The following RBM19 variants were observed in gnomAD, a reference collection of about 807,000 sequenced individuals.
RBM19 encodes the protein RNA binding motif protein 19, also known as probable RNA-binding protein 19.
A neutral mutation model predicts 116.8 loss-of-function variants in RBM19; 94 were observed. The ratio of observed to expected loss-of-function variants is 0.80; its 90% CI spans 0.68 to 0.95. RBM19 has a LOEUF of 0.95. Among genes scored for constraint, RBM19 ranks in the 40% least tolerant of loss-of-function variants. The probability of loss-of-function intolerance (pLI) is 0.00; values close to 1 mark genes in which losing one functional copy is unlikely to be tolerated. For missense variants in RBM19, 1,161 were observed against 1,220.7 expected, an observed-to-expected ratio of 0.95 and a Z score of 0.73; for synonymous variants, 475 against 494.1, an observed-to-expected ratio of 0.96 and a Z score of 0.51.
chr12:113,961,651 T>C (rs1296763882), intron 2 of RBM19, among the ~76,000 whole-genome samples: 2 of 152,228 alleles, frequency 1.3e-5, no homozygotes, highest in Non-Finnish European at 2.9e-5. Context: ...AGTCACTAAA[T>C]ACACGAGTGA....
At chr12:113,818,676 G>A (rs1260036886), downstream of RBM19, among the ~76,000 whole-genome samples, 2 of 152,234 alleles carry the variant, frequency 1.3e-5, no homozygotes, top group African/African-American at 4.8e-5. Context: ...AATGAGGCAG[G>A]AATTCCTGCA....
At chr12:113,924,599 G>A in intron 18 of RBM19, 98 bp downstream of exon 18, 2 of 1,084,146 alleles carry the variant, frequency 1.8e-6, no homozygotes, top group Non-Finnish European at 2.9e-6. Flanking sequence ...ATGTGCAAGG[G>A]AGAACTACCC....
At chr12:113,864,849 G>T (rs542746410) in intron 21 of RBM19, among the ~76,000 whole-genome samples, 1 of 152,196 alleles carries the variant, frequency 6.6e-6, no homozygotes, top group South Asian at 2.1e-4. Context: ...GTTTCAATGG[G>T]TACTAGTGCC....
At chr12:113,924,894 G>T (rs10774723) in intron 17 of RBM19, 137 bp from the exon 18 acceptor site, 208,329 of 711,700 alleles carry the variant, frequency 0.29, 32,268 homozygotes, top group Middle Eastern at 0.39. Context: ...GATGAGTGAT[G>T]ACCTCCTTTA....
At chr12:113,837,427 C>T (rs1273842430) in intron 23 of RBM19, among the ~76,000 whole-genome samples, 1 of 152,180 alleles carries the variant, frequency 6.6e-6, no homozygotes, top group Non-Finnish European at 1.5e-5. Context: ...GAGTGAGTGC[C>T]CCGAAGGACC....
intron 7 of RBM19, among the ~76,000 whole-genome samples, chr12:113,953,474 G>A (rs895880942): frequency 6.6e-6 from 1 of 152,174 alleles, no homozygotes; most frequent in Non-Finnish European, 1.5e-5. Context: ...GGAGATAAGA[G>A]CGAAACTCTG....
At chr12:113,874,612 T>C (rs11066798) in intron 21 of RBM19, among the ~76,000 whole-genome samples, 24,851 of 152,254 alleles carry the variant, frequency 0.16, 2,420 homozygotes, top group East Asian at 0.36. Context: ...GCTTCAGCCC[T>C]TGAACTCAGT....
chr12:113,824,111 C>T (rs1053539342), intron 23 of RBM19, among the ~76,000 whole-genome samples: 18 of 152,130 alleles, frequency 1.2e-4, no homozygotes, highest in African/African-American at 4.1e-4. Flanking sequence ...GGGCTTAGCC[C>T]CACAAGCACC....
At chr12:113,833,691 G>T (rs146459068) in intron 23 of RBM19, among the ~76,000 whole-genome samples, 177 of 152,278 alleles carry the variant, frequency 1.2e-3, no homozygotes, top group African/African-American at 4.0e-3. Flanking sequence ...ATTTGGAATC[G>T]CTCCTTCCCC....
At chr12:113,952,424 C>T (rs1295040478) in intron 8 of RBM19, 88 bp downstream of exon 8, 9 of 1,225,080 alleles carry the variant, frequency 7.3e-6, no homozygotes. Context: ...AAACGGGTGC[C>T]CTTAAAACTT....
In RBM19 at chr12:113,952,578, C is replaced by G. The variant is rs777973831; in HGVS notation, c.934G>C (p.Glu312Gln). 6 of 1,613,752 alleles carry G rather than the reference C, an allele frequency of 3.7e-6. No homozygotes were observed. The Admixed American group carries it at 1.0e-4, about 27-fold the overall frequency. ...PFNVTEKNVM[E>Q]FLAPLKPVAI... ...ACTGGTTTCAGGGGTGCCAGGAATT[C>G]CATAACATTTTTCTGTGAGAAGAAG... Residue 312 changes from glutamate (E) to glutamine (Q), a missense_variant, in exon 8 of 24, where the codon GAA (glutamate) becomes CAA (glutamine). Transcript: ENST00000261741.
intron 21 of RBM19, among the ~76,000 whole-genome samples, chr12:113,905,247 A>G (rs1043743599): frequency 3.3e-5 from 5 of 152,254 alleles, no homozygotes; most frequent in African/African-American, 9.6e-5. Context: ...TGGTATTGGC[A>G]TGGGGGCAGA....
At chr12:113,830,576 G>GGT (rs1555228702) in intron 23 of RBM19, among the ~76,000 whole-genome samples, 10 of 58,178 alleles carry the variant, frequency 1.7e-4, no homozygotes, top group Non-Finnish European at 2.9e-4. Flanking sequence ...GCTGCGGGGC[G>GGT]GGGGGGGGGG....
chr12:113,914,759 G>T (rs1882663917), intron 21 of RBM19, among the ~76,000 whole-genome samples: 1 of 152,222 alleles, frequency 6.6e-6, no homozygotes, highest in Non-Finnish European at 1.5e-5. Context: ...GGGAAGCCTG[G>T]CTGTTTTGAC....
chr12:113,949,998 G>T, intron 9 of RBM19, 85 bp downstream of exon 9: 1 of 1,209,898 alleles, frequency 8.3e-7, no homozygotes. Context: ...GGTGGTGATG[G>T]TGCTGGTACA....
chr12:113,851,404 C>T (rs1028692160), intron 22 of RBM19, among the ~76,000 whole-genome samples: 13 of 152,194 alleles, frequency 8.5e-5, no homozygotes, highest in African/African-American at 3.1e-4. Flanking sequence ...ACACTTTGGA[C>T]CTCTGCAAGT....
chr12:113,961,414 A>C (rs1490289586), intron 2 of RBM19, among the ~76,000 whole-genome samples: 2 of 152,182 alleles, frequency 1.3e-5, no homozygotes, highest in African/African-American at 4.8e-5. Context: ...CAAATAATAT[A>C]CAAAAGTACA....
At chr12:113,902,194 C>T (rs1026321036) in intron 21 of RBM19, among the ~76,000 whole-genome samples, 13 of 152,030 alleles carry the variant, frequency 8.6e-5, no homozygotes, top group African/African-American at 1.4e-4. Context: ...TATGAGTGTC[C>T]ACCACAATGA....
chr12:113,953,217 G>A (rs573658728), intron 7 of RBM19, among the ~76,000 whole-genome samples: 151 of 152,324 alleles, frequency 9.9e-4, no homozygotes, highest in African/African-American at 3.3e-3. Flanking sequence ...GGCCAGGTGC[G>A]GTGGCTCACG....
Sources: gnomAD v4.1 joint callset for allele counts (sites outside exome capture counted in the v4.1 genomes callset) on GRCh38, gnomAD v4.1.1 for gene constraint, MANE v1.5 for transcripts, NCBI Gene and HGNC (gene_info 2026-07-23, HGNC 2026-07-21) for gene names.